CNTLN: variants seen among roughly 807,000 people sequenced by gnomAD.
CNTLN encodes the protein centlein.
In CNTLN, 212 loss-of-function variants were observed where a neutral mutation model predicts 180.0. The observed-to-expected ratio is 1.18, with a 90% confidence interval of 1.05 to 1.32. The LOEUF (loss-of-function observed/expected upper bound fraction) is 1.32, where lower values mean the gene tolerates loss of function less well. CNTLN is among the 40% of genes most tolerant of loss of function. The pLI, the probability that CNTLN is intolerant of heterozygous loss-of-function variation, is 0.00. For synonymous variants in CNTLN, 722 were observed against 563.1 expected, an observed-to-expected ratio of 1.28 and a Z score of -3.99; for missense variants, 2,095 against 1,610.9, an observed-to-expected ratio of 1.30 and a Z score of -5.14.
intron 2 of CNTLN, among the ~76,000 whole-genome samples, chr9:17,169,668 A>G (rs1198363288): frequency 6.6e-6 from 1 of 151,596 alleles, no homozygotes; most frequent in African/African-American, 2.4e-5. Context: ...TCCTTTGCAC[A>G]TTGTGTATTC....
chr9:17,472,093 T>C (rs997834168), intron 23 of CNTLN, among the ~76,000 whole-genome samples: 1 of 152,144 alleles, frequency 6.6e-6, no homozygotes, highest in African/African-American at 2.4e-5. Flanking sequence ...TAGTATTTTC[T>C]AATAATCAAT....
At chr9:17,278,728 A>G (rs13292550) in intron 6 of CNTLN, among the ~76,000 whole-genome samples, 34,716 of 152,030 alleles carry the variant, frequency 0.23, 4,208 homozygotes, top group South Asian at 0.36. Flanking sequence ...TGTAAAAATA[A>G]ATACATGCAG....
chr9:17,400,218 A>G (rs1173987401), intron 15 of CNTLN, among the ~76,000 whole-genome samples: 1 of 151,958 alleles, frequency 6.6e-6, no homozygotes, highest in Non-Finnish European at 1.5e-5. Flanking sequence ...GCTCACTGCA[A>G]TCTCCATCTC....
At chr9:17,501,977 T>C (rs937840144) in intron 25 of CNTLN, among the ~76,000 whole-genome samples, 3 of 152,344 alleles carry the variant, frequency 2.0e-5, no homozygotes, top group East Asian at 1.9e-4. Flanking sequence ...AAAAATGTAG[T>C]CTACATTTCA....
At chr9:17,223,549 A>C (rs1016940102) in intron 2 of CNTLN, among the ~76,000 whole-genome samples, 2 of 151,994 alleles carry the variant, frequency 1.3e-5, no homozygotes, top group African/African-American at 2.4e-5. Context: ...TCACTTTTCT[A>C]TCAAGAAATC....
intron 14 of CNTLN, among the ~76,000 whole-genome samples, 167 bp downstream of exon 14, chr9:17,388,420 T>C (rs1363679362): frequency 6.6e-6 from 1 of 152,094 alleles, no homozygotes; most frequent in African/African-American, 2.4e-5. Flanking sequence ...AAAAAATCAA[T>C]GTTAGTGAAA....
chr9:17,172,483 C>G (rs1033542052), intron 2 of CNTLN, among the ~76,000 whole-genome samples: 3 of 152,024 alleles, frequency 2.0e-5, no homozygotes, highest in Admixed American at 1.3e-4. Flanking sequence ...CTTATTTAGA[C>G]TCTTGAGACC....
rs181171154 is a variant in CNTLN, at chr9:17,330,586, A to G, written c.1342-46A>G. 4.5e-5 allele frequency: 45 copies of G among 996,918 alleles called. 1 individual carries two copies. In the Middle Eastern group the frequency reaches 3.1e-3, roughly 68 times the overall value. 61.8% of individuals were successfully genotyped at this position (996,918 alleles called of 1,614,324 possible). On this transcript the variant is annotated intron_variant, in intron 8 of 25. Coordinates refer to ENST00000380647, the MANE Select transcript of CNTLN (RefSeq NM_017738.4). ...TAACTATTTATTTATAAATAATGTA[A>G]GATACAAACATAGATATCTATTTAC...
chr9:17,289,880 C>G (rs929830244), intron 6 of CNTLN, among the ~76,000 whole-genome samples: 5 of 133,172 alleles, frequency 3.8e-5, no homozygotes, highest in Admixed American at 3.7e-4. Context: ...AAGCACTTCT[C>G]TGTATTGGTT....
chr9:17,413,334 C>T (rs1472739485), intron 16 of CNTLN, among the ~76,000 whole-genome samples: 1 of 152,062 alleles, frequency 6.6e-6, no homozygotes, highest in Non-Finnish European at 1.5e-5. Context: ...AAGAGAAAAT[C>T]TTGAAGTCTT....
intron 2 of CNTLN, chr9:17,168,561 G>A (rs1057382251): frequency 2.6e-5 from 4 of 152,078 alleles, no homozygotes; most frequent in Non-Finnish European, 4.4e-5. Context: ...ATATGTGACT[G>A]TTCATGCTGA....
At chr9:17,136,902 ACT>A (rs1817755265) in intron 1 of CNTLN, among the ~76,000 whole-genome samples, 1 of 151,244 alleles carries the variant, frequency 6.6e-6, no homozygotes, top group Non-Finnish European at 1.5e-5. Flanking sequence ...GGCCTTTGAT[ACT>A]CTGAGTCCTA....
chr9:17,249,107 G>A (rs972510191), intron 5 of CNTLN, among the ~76,000 whole-genome samples: 24 of 151,772 alleles, frequency 1.6e-4, no homozygotes, highest in African/African-American at 5.8e-4. Flanking sequence ...CTATGTTTGA[G>A]TTTAGTTTGC....
At chr9:17,337,360 T>C (rs1821122511) in intron 10 of CNTLN, among the ~76,000 whole-genome samples, 1 of 152,200 alleles carries the variant, frequency 6.6e-6, no homozygotes, top group Non-Finnish European at 1.5e-5. Flanking sequence ...TTGCTTTTGG[T>C]GTTTTAGTCA....
chr9:17,316,672 T>C (rs2132992929), intron 8 of CNTLN, among the ~76,000 whole-genome samples: 1 of 152,262 alleles, frequency 6.6e-6, no homozygotes, highest in East Asian at 1.9e-4. Context: ...GATATAAATC[T>C]GCAATTTTGC....
chr9:17,448,223 A>C (rs898157956), intron 18 of CNTLN: 1 of 174,802 alleles, frequency 5.7e-6, no homozygotes, highest in Non-Finnish European at 1.3e-5. Flanking sequence ...TCACCTTGAC[A>C]TGTATCACTC....
chr9:17,499,738 A>G (rs1039670242), intron 25 of CNTLN, among the ~76,000 whole-genome samples: 2 of 152,170 alleles, frequency 1.3e-5, no homozygotes, highest in Non-Finnish European at 2.9e-5. Context: ...TGTTTCAATT[A>G]TTAACTATTT....
At chr9:17,419,585 C>A (rs1434122070) in intron 18 of CNTLN, among the ~76,000 whole-genome samples, 1 of 152,050 alleles carries the variant, frequency 6.6e-6, no homozygotes, top group Non-Finnish European at 1.5e-5. Flanking sequence ...TATTTTCTCA[C>A]ACTAGGCATT....
At chr9:17,450,726 C>G (rs1830733297) in intron 18 of CNTLN, among the ~76,000 whole-genome samples, 1 of 152,140 alleles carries the variant, frequency 6.6e-6, no homozygotes, top group South Asian at 2.1e-4. Context: ...CCTTTCATAA[C>G]TGCAGTTGTC....
Sources: gnomAD v4.1 joint callset for allele counts (sites outside exome capture counted in the v4.1 genomes callset) on GRCh38, gnomAD v4.1.1 for gene constraint, MANE v1.5 for transcripts, NCBI Gene and HGNC (gene_info 2026-07-23, HGNC 2026-07-21) for gene names.